Variants in PLCH1 observed in about 807,000 individuals in gnomAD.
PLCH1 encodes phospholipase C eta 1.
A neutral mutation model predicts 126.7 loss-of-function variants in PLCH1; 60 were observed. The ratio of observed to expected loss-of-function variants is 0.47; its 90% CI spans 0.38 to 0.59. The LOEUF is 0.59. PLCH1 is among the 20% of genes least tolerant of loss of function. The pLI, the probability that PLCH1 is intolerant of heterozygous loss-of-function variation, is 0.00. For synonymous variants in PLCH1, 719 were observed against 734.9 expected, an observed-to-expected ratio of 0.98 and a Z score of 0.35; for missense variants, 1,723 against 2,040.0, an observed-to-expected ratio of 0.84 and a Z score of 2.99.
At chr3:155,561,198 T>C (rs1183279108) in intron 8 of PLCH1, among the ~76,000 whole-genome samples, 1 of 151,820 alleles carries the variant, frequency 6.6e-6, no homozygotes, top group African/African-American at 2.4e-5. Context: ...TAGTTACATA[T>C]GTATACATGT....
chr3:155,585,350 C>T (rs904879589), intron 5 of PLCH1, among the ~76,000 whole-genome samples: 1 of 152,180 alleles, frequency 6.6e-6, no homozygotes, highest in African/African-American at 2.4e-5. Flanking sequence ...CATTGCAAAA[C>T]ATGGATTATG....
intron 2 of PLCH1, among the ~76,000 whole-genome samples, chr3:155,689,567 T>C (rs1033818135): frequency 3.3e-5 from 5 of 152,038 alleles, no homozygotes; most frequent in East Asian, 1.9e-4. Context: ...TTCTATCAGA[T>C]ATACTTTAAA....
chr3:155,543,050 C>G (rs111331422), intron 10 of PLCH1, among the ~76,000 whole-genome samples: 83,509 of 152,118 alleles, frequency 0.55, 27,738 homozygotes, highest in Non-Finnish European at 0.75. Flanking sequence ...ATGACTTTGC[C>G]GAGTTGAGAG....
intron 1 of PLCH1, among the ~76,000 whole-genome samples, chr3:155,710,891 C>A (rs939986936): frequency 7.0e-6 from 1 of 142,692 alleles, no homozygotes; most frequent in African/African-American, 2.6e-5. Context: ...ACTTGAAAAG[C>A]ATAGAAAAAA....
chr3:155,712,306 C>T (rs1577355691), intron 1 of PLCH1, among the ~76,000 whole-genome samples: 1 of 152,178 alleles, frequency 6.6e-6, no homozygotes, highest in Non-Finnish European at 1.5e-5. Flanking sequence ...TGCATTCAAG[C>T]CCTTTGTCCT....
intron 2 of PLCH1, among the ~76,000 whole-genome samples, chr3:155,676,889 A>G (rs1744139559): frequency 6.6e-6 from 1 of 152,198 alleles, no homozygotes; most frequent in East Asian, 1.9e-4. Flanking sequence ...GACAGCATGA[A>G]TGGGTCTAAA....
rs539347140 is a variant in PLCH1 at position 155,603,180 on chromosome 3, A to G, written c.80-6802T>C. ...AAAAAAAGTCCAGGTCCTTTGCAAGACAATCTTTTTAGTAAAAAGGTACAT... is the reference window on the plus strand; with the variant it reads ...AAAAAAAGTCCAGGTCCTTTGCAAGGCAATCTTTTTAGTAAAAAGGTACAT... On this transcript the variant is annotated intron_variant, in intron 2 of 22. Transcript: ENST00000460012. 4.8e-4 allele frequency among the ~76,000 whole-genome samples: 73 copies of G among 152,352 alleles called. 2 individuals are homozygous for G. The Middle Eastern group carries it at 0.037, about 78-fold the overall frequency.
intron 1 of PLCH1, among the ~76,000 whole-genome samples, chr3:155,720,201 A>T (rs1437505065): frequency 7.9e-5 from 12 of 152,152 alleles, no homozygotes; most frequent in Non-Finnish European, 4.4e-5. Context: ...TATCTTTTTC[A>T]TATAATGAAT....
chr3:155,709,556 T>C (rs1746933825), intron 1 of PLCH1, among the ~76,000 whole-genome samples: 1 of 152,234 alleles, frequency 6.6e-6, no homozygotes, highest in South Asian at 2.1e-4. Context: ...CACCTTTTCA[T>C]ATGCTTGTTT....
intron 1 of PLCH1, among the ~76,000 whole-genome samples, chr3:155,714,561 A>T (rs1346367272): frequency 1.3e-5 from 2 of 152,200 alleles, no homozygotes; most frequent in Non-Finnish European, 2.9e-5. Flanking sequence ...TACTTTGTTC[A>T]TTTTTTAAGG....
At chr3:155,542,376 A>G (rs1171649009) in intron 10 of PLCH1, among the ~76,000 whole-genome samples, 1 of 151,888 alleles carries the variant, frequency 6.6e-6, no homozygotes, top group Non-Finnish European at 1.5e-5. Context: ...TAAACAAAGC[A>G]GCCTGGAAGC....
At chr3:155,715,985 C>A (rs923669751) in intron 1 of PLCH1, among the ~76,000 whole-genome samples, 1 of 152,128 alleles carries the variant, frequency 6.6e-6, no homozygotes, top group Non-Finnish European at 1.5e-5. Context: ...AGGTTTTCAT[C>A]TTTTTAAATA....
intron 2 of PLCH1, among the ~76,000 whole-genome samples, chr3:155,670,293 G>A (rs1186566010): frequency 6.6e-6 from 1 of 152,056 alleles, no homozygotes; most frequent in Non-Finnish European, 1.5e-5. Flanking sequence ...TTCACCATCT[G>A]GGGAAAGAGG....
chr3:155,559,108 T>C (rs1727223985), intron 8 of PLCH1, among the ~76,000 whole-genome samples: 1 of 152,176 alleles, frequency 6.6e-6, no homozygotes, highest in African/African-American at 2.4e-5. Flanking sequence ...GTCATGTCAT[T>C]CAATGCTTGC....
At chr3:155,650,196 A>G (rs1474768410) in intron 2 of PLCH1, among the ~76,000 whole-genome samples, 1 of 152,176 alleles carries the variant, frequency 6.6e-6, no homozygotes, top group Non-Finnish European at 1.5e-5. Flanking sequence ...GACTGTCACA[A>G]CAGTCCTATG....
At chr3:155,651,024 C>G (rs1486341681) in intron 2 of PLCH1, among the ~76,000 whole-genome samples, 1 of 150,678 alleles carries the variant, frequency 6.6e-6, no homozygotes, top group Non-Finnish European at 1.5e-5. Flanking sequence ...GGCAACAGAG[C>G]GAGACTCCGT....
At chr3:155,728,730 T>A (rs1748529402) in intron 1 of PLCH1, among the ~76,000 whole-genome samples, 1 of 152,198 alleles carries the variant, frequency 6.6e-6, no homozygotes, top group Non-Finnish European at 1.5e-5. Context: ...TATTCTCATA[T>A]CAGGATGGGC....
intron 4 of PLCH1, among the ~76,000 whole-genome samples, chr3:155,589,235 C>T (rs1436242427): frequency 6.6e-6 from 1 of 152,028 alleles, no homozygotes; most frequent in Non-Finnish European, 1.5e-5. Flanking sequence ...TTAAGTTTTG[C>T]AGGACATTTG....
chr3:155,635,754 T>A (rs959189555), intron 2 of PLCH1, among the ~76,000 whole-genome samples: 1 of 152,236 alleles, frequency 6.6e-6, no homozygotes, highest in African/African-American at 2.4e-5. Flanking sequence ...TTCTTAAACA[T>A]CTAATTAATT....
Sources: gnomAD v4.1 joint callset for allele counts (sites outside exome capture counted in the v4.1 genomes callset) on GRCh38, gnomAD v4.1.1 for gene constraint, MANE v1.5 for transcripts, NCBI Gene and HGNC (gene_info 2026-07-23, HGNC 2026-07-21) for gene names.